The following TRANK1 variants were observed in gnomAD, a reference collection of about 807,000 sequenced individuals.
The protein encoded by TRANK1 is TPR and ankyrin repeat-containing protein 1.
A neutral mutation model predicts 266.0 loss-of-function variants in TRANK1; 198 were observed. That is an observed-to-expected ratio of 0.74 (90% confidence interval 0.66 to 0.84). TRANK1 has a LOEUF of 0.84. Ranked by LOEUF, TRANK1 falls within the 40% of genes least tolerant of loss-of-function variation. TRANK1 has a pLI of 0.00. For synonymous variants in TRANK1, 1,396 were observed against 1,384.1 expected, an observed-to-expected ratio of 1.01 and a Z score of -0.19; for missense variants, 3,326 against 3,634.6, an observed-to-expected ratio of 0.92 and a Z score of 2.18.
At chr3:36,854,515 G>A (rs2079025546) in intron 13 of TRANK1, among the ~76,000 whole-genome samples, 1 of 152,196 alleles carries the variant, frequency 6.6e-6, no homozygotes, top group Non-Finnish European at 1.5e-5. Context: ...GTCGGCCAAA[G>A]GAGATAAATT....
At chr3:36,943,672 CA>C (rs768726628) in intron 1 of TRANK1, among the ~76,000 whole-genome samples, 2 of 151,586 alleles carry the variant, frequency 1.3e-5, no homozygotes, top group Non-Finnish European at 2.9e-5. Context: ...AACAGGATGC[CA>C]TCCGGATAAC....
chr3:36,888,015 G>GT (rs1394375424), intron 8 of TRANK1, among the ~76,000 whole-genome samples: 4 of 152,042 alleles, frequency 2.6e-5, no homozygotes, highest in Non-Finnish European at 5.9e-5. Context: ...ATCTAGCTGG[G>GT]AAAAATGAAA....
At chr3:36,935,296 T>C (rs527264794) in intron 1 of TRANK1, among the ~76,000 whole-genome samples, 24 of 152,320 alleles carry the variant, frequency 1.6e-4, no homozygotes, top group African/African-American at 4.6e-4. Context: ...GTAGCTTTTA[T>C]ACCACTTAAT....
chr3:36,856,415 G>A lies in TRANK1; in HGVS notation c.3307C>T (p.Gln1103Ter). ...TTGGCCAGCAATGGGCTTCCTGCCTGCTCAGCTTTTTCCCAGTAAACGTGG... is the reference window on the plus strand; with the variant it reads ...TTGGCCAGCAATGGGCTTCCTGCCTACTCAGCTTTTTCCCAGTAAACGTGG... ...KFHVYWEKAE[Q>*]AGSPLLAKQV... The change falls in exon 13 of 24, where the codon CAG becomes TAG. Residue 1103 changes from glutamine to a stop codon, truncating the protein, a stop_gained. Coordinates refer to ENST00000645898, the MANE Select transcript of TRANK1 (RefSeq NM_001329998.2). LOFTEE classifies it high-confidence loss of function. The A allele has an allele frequency of 6.2e-7, 1 of 1,612,544 alleles. No individual in the cohort carries two copies. Among genetic ancestry groups the A allele is most frequent in the Non-Finnish European group, 8.5e-7 (1 of 1,179,172 alleles).
At chr3:36,901,101 G>GTTTTTT (rs55801006) in intron 3 of TRANK1, among the ~76,000 whole-genome samples, 1 of 136,988 alleles carries the variant, frequency 7.3e-6, no homozygotes, top group African/African-American at 2.7e-5. Context: ...ATTCAAGGTT[G>GTTTTTT]TTTTTTTTTT....
At chr3:36,898,301 T>C (rs936618972) in intron 4 of TRANK1, among the ~76,000 whole-genome samples, 21 of 151,792 alleles carry the variant, frequency 1.4e-4, no homozygotes, top group Admixed American at 1.3e-3. Flanking sequence ...ATACAAAAAG[T>C]TAGCCGGGCG....
At chr3:36,834,595 GCT>G in intron 21 of TRANK1, 165 bp downstream of exon 21, 1 of 659,072 alleles carries the variant, frequency 1.5e-6, no homozygotes, top group Non-Finnish European at 2.5e-6. Context: ...ATAGAGTCCT[GCT>G]CTCAAAGAGC....
chr3:36,923,192 T>C (rs1329326722), intron 1 of TRANK1, among the ~76,000 whole-genome samples: 1 of 152,134 alleles, frequency 6.6e-6, no homozygotes, highest in Non-Finnish European at 1.5e-5. Flanking sequence ...GTTGCCCTCT[T>C]GTAACATATT....
At chr3:36,944,550 A>G (rs1052261301) in intron 1 of TRANK1, among the ~76,000 whole-genome samples, 13 of 152,184 alleles carry the variant, frequency 8.5e-5, no homozygotes, top group Non-Finnish European at 1.6e-4. Context: ...GTCCTGTCGC[A>G]GCGCGTGCCC....
intron 3 of TRANK1, among the ~76,000 whole-genome samples, chr3:36,900,876 A>G (rs1333434698): frequency 2.1e-5 from 3 of 141,438 alleles, no homozygotes; most frequent in African/African-American, 7.8e-5. Context: ...AAAAAAAAAA[A>G]GATAACAGGT....
rs1167119242 is a variant in TRANK1, at chr3:36,905,125, A to G, written c.156-1850T>C. Among the ~76,000 whole-genome samples, 62 of 151,952 alleles carry G rather than the reference A, an allele frequency of 4.1e-4. 1 individual carries two copies. The highest frequency in any genetic ancestry group is 5.9e-5 in the Non-Finnish European group (4 of 67,976). ...AACACGGTGAAACCCCATCTCTACT[A>G]AAAATACAAAAAATTAGCCGGGCGT... is the stretch of plus-strand genomic sequence containing the variant. On this transcript the variant is annotated intron_variant, in intron 2 of 23. Transcript: ENST00000645898.
intron 15 of TRANK1, among the ~76,000 whole-genome samples, chr3:36,849,462 G>C (rs117563015): frequency 2.8e-4 from 43 of 152,294 alleles, no homozygotes; most frequent in East Asian, 1.9e-3. Flanking sequence ...ACCCTCCAGA[G>C]AGAAGAATCA....
chr3:36,842,502 C>A, intron 18 of TRANK1, 120 bp downstream of exon 18: 1 of 831,204 alleles, frequency 1.2e-6, no homozygotes. Context: ...TTTCAGAACA[C>A]GTGGCACAAG....
At chr3:36,862,876 C>A (rs142709790) in intron 10 of TRANK1, among the ~76,000 whole-genome samples, 1 of 152,126 alleles carries the variant, frequency 6.6e-6, no homozygotes, top group Non-Finnish European at 1.5e-5. Context: ...GTACTTGAAG[C>A]CAGCCTGGCA....
At chr3:36,900,723 T>A (rs1210635788) in intron 3 of TRANK1, among the ~76,000 whole-genome samples, 2 of 150,824 alleles carry the variant, frequency 1.3e-5, no homozygotes, top group African/African-American at 2.4e-5. Flanking sequence ...AAAAAAAAAA[T>A]TTGTTTTCAT....
At chr3:36,935,024 C>T (rs950893782) in intron 1 of TRANK1, among the ~76,000 whole-genome samples, 6 of 152,190 alleles carry the variant, frequency 3.9e-5, no homozygotes, top group Non-Finnish European at 8.8e-5. Context: ...AGACAGTCCC[C>T]AAGACCATCA....
Position 36,857,447 on chromosome 3 carries a change from G to T in TRANK1, c.2275C>A (p.Pro759Thr). The change falls in exon 13 of 24, where the codon CCT (proline) becomes ACT (threonine). Residue 759 changes from proline to threonine, a missense_variant. Pro to Thr is a conservative substitution (Grantham distance 38). Coordinates refer to ENST00000645898, the MANE Select transcript of TRANK1 (RefSeq NM_001329998.2). This position sits in a 1 kb window ranked among gnomAD's most constrained non-coding sequence, Gnocchi z 4.3. The stretch of plus-strand genomic sequence containing the variant: ...TCTTTGCCAGCTCCTGCCTCCAGAG[G>T]CTCAGAGCTCTGAAGACAGTCCTCT... ...FPEDCLQSSE[P>T]LEAGAGKEGK... 3.1e-6 allele frequency: 5 copies of T among 1,613,966 alleles called. No individual in the cohort carries two copies. The highest frequency in any genetic ancestry group is 4.2e-6 in the Non-Finnish European group (5 of 1,179,886).
intron 6 of TRANK1, among the ~76,000 whole-genome samples, chr3:36,892,547 T>C (rs2079716054): frequency 6.6e-6 from 1 of 152,126 alleles, no homozygotes; most frequent in Admixed American, 6.5e-5. Context: ...AGAAATCGCC[T>C]TGCGAGGCGC....
intron 17 of TRANK1, 39 bp downstream of exon 17, chr3:36,846,209 A>G (rs1282496510): frequency 6.6e-7 from 1 of 1,523,382 alleles, no homozygotes; most frequent in East Asian, 2.4e-5. Flanking sequence ...GAGAAACACG[A>G]TTCCTCCATC....
Sources: allele counts gnomAD v4.1 joint callset (sites outside exome capture counted in the v4.1 genomes callset), GRCh38; gene constraint gnomAD v4.1.1; non-coding constraint Gnocchi (gnomAD v3.1); transcripts MANE v1.5; gene names NCBI Gene and HGNC (gene_info 2026-07-23, HGNC 2026-07-21).